The following EPHA5 variants were observed in gnomAD, a reference collection of about 807,000 sequenced individuals.
EPHA5 encodes the protein EPH receptor A5.
Under a neutral mutation model 105.0 loss-of-function variants are expected in EPHA5, and 60 were observed. That is an observed-to-expected ratio of 0.57 (90% CI 0.46 to 0.71). The LOEUF is 0.71. Ranked by LOEUF, EPHA5 falls within the 30% of genes least tolerant of loss-of-function variation. EPHA5 has a pLI of 0.00. For missense variants in EPHA5, 1,218 were observed against 1,274.7 expected (o/e 0.96, Z 0.68); for synonymous variants, 513 against 449.1 (o/e 1.14, Z -1.80).
At chr4:65,651,697 T>G (rs1381341501) in intron 1 of EPHA5, among the ~76,000 whole-genome samples, 1 of 152,210 alleles carries the variant, frequency 6.6e-6, no homozygotes, top group Non-Finnish European at 1.5e-5. Context: ...CACAAAGATG[T>G]TATAGACATT....
intron 3 of EPHA5, among the ~76,000 whole-genome samples, chr4:65,513,512 G>C (rs1733823880): frequency 6.6e-6 from 1 of 151,954 alleles, no homozygotes. Flanking sequence ...TCAGCCTCCC[G>C]AGTAGCTGAG....
intron 13 of EPHA5, among the ~76,000 whole-genome samples, chr4:65,350,379 A>G (rs1345316323): frequency 6.6e-6 from 1 of 150,962 alleles, no homozygotes; most frequent in African/African-American, 2.4e-5. Context: ...TAAAAAAAAA[A>G]CCCTTATAAT....
intron 3 of EPHA5, among the ~76,000 whole-genome samples, chr4:65,584,221 A>C (rs1296390164): frequency 2.0e-5 from 3 of 151,754 alleles, no homozygotes; most frequent in African/African-American, 7.2e-5. Context: ...GAAACTCATC[A>C]ATTTCTTCAA....
At chr4:65,591,530 A>T (rs1162138517) in intron 3 of EPHA5, among the ~76,000 whole-genome samples, 1 of 151,934 alleles carries the variant, frequency 6.6e-6, no homozygotes, top group Non-Finnish European at 1.5e-5. Context: ...TGTGTTCCCA[A>T]GTTTCACTCA....
rs199614818 is a variant in EPHA5 at position 65,490,529 on chromosome 4, C to T, written c.1250G>A (p.Arg417Gln). ...ECGGHVRYLPRQSGLKNTSVM... is the reference protein window; with the variant it reads ...ECGGHVRYLPQQSGLKNTSVM... Reference sequence around the variant, plus strand: ...AGAGGTGTTTTTCAGGCCGCTTTGCCGGGGAAGGTACCTGACATGACCGCC... The same window carrying T: ...AGAGGTGTTTTTCAGGCCGCTTTGCTGGGGAAGGTACCTGACATGACCGCC... The change falls in exon 5 of 17, where the codon CGG becomes CAG. Residue 417 changes from arginine to glutamine, a missense_variant. Arg to Gln is a conservative substitution (Grantham distance 43). Around this residue, in one of 3 missense-constraint regions of EPHA5, gnomAD observed 971 missense variants for 1,013.5 expected, o/e 0.96. Coordinates refer to ENST00000613740, the MANE Select transcript of EPHA5 (RefSeq NM_001281766.3). 51 of 1,613,892 alleles carry T rather than the reference C, an allele frequency of 3.2e-5. No homozygotes were observed. Among genetic ancestry groups the T allele is most frequent in the African/African-American group, 8.0e-5 (6 of 74,848 alleles).
intron 1 of EPHA5, among the ~76,000 whole-genome samples, chr4:65,649,241 G>A (rs1383339928): frequency 6.6e-6 from 1 of 152,186 alleles, no homozygotes; most frequent in Admixed American, 6.5e-5. Flanking sequence ...AACAGACCAT[G>A]AGCACTGCTT....
intron 1 of EPHA5, among the ~76,000 whole-genome samples, chr4:65,662,999 T>C (rs1181478916): frequency 6.6e-6 from 1 of 152,152 alleles, no homozygotes. Flanking sequence ...GTTCTACTTT[T>C]GTTTGACAAA....
At chr4:65,378,431 A>G (rs1719219375) in intron 8 of EPHA5, among the ~76,000 whole-genome samples, 2 of 151,980 alleles carry the variant, frequency 1.3e-5, no homozygotes, top group Non-Finnish European at 2.9e-5. Context: ...CTTTACAGTA[A>G]CACCTGTTGC....
At chr4:65,533,403 T>C (rs1736006736) in intron 3 of EPHA5, among the ~76,000 whole-genome samples, 1 of 152,076 alleles carries the variant, frequency 6.6e-6, no homozygotes, top group Non-Finnish European at 1.5e-5. Context: ...ATTTAGAAAC[T>C]CAGGATTGGC....
chr4:65,492,645 A>G (rs1179731641), intron 4 of EPHA5, among the ~76,000 whole-genome samples: 2 of 151,934 alleles, frequency 1.3e-5, no homozygotes, highest in African/African-American at 4.8e-5. Flanking sequence ...AGTCCCCTTT[A>G]AGTTGAAATA....
chr4:65,383,149 C>T (rs1719734022), intron 8 of EPHA5, among the ~76,000 whole-genome samples: 1 of 148,458 alleles, frequency 6.7e-6, no homozygotes, highest in African/African-American at 2.5e-5. Flanking sequence ...AAGAAGACTT[C>T]AATAATGATG....
chr4:65,620,429 G>A (rs1342132271), intron 2 of EPHA5, among the ~76,000 whole-genome samples: 1 of 151,970 alleles, frequency 6.6e-6, no homozygotes, highest in East Asian at 1.9e-4. Context: ...TAAATGTGAT[G>A]ACATAGTACA....
rs1578460608 is a variant in EPHA5, at chr4:65,573,698, T to C, written c.910+27943A>G. On this transcript the variant is annotated intron_variant, in intron 3 of 16. Transcript: ENST00000613740. The stretch of plus-strand genomic sequence containing the variant: ...AGTACTCAGCCGCTAAATCCAAGGT[T>C]GAAAAGAAAAAGAAGGAGAAGGTTC... 7 of 1,595,430 alleles carry C rather than the reference T, an allele frequency of 4.4e-6. No homozygotes were observed. In the East Asian group the frequency reaches 1.3e-4, roughly 31 times the overall value.
chr4:65,503,597 G>A (rs1351521782), intron 3 of EPHA5, among the ~76,000 whole-genome samples: 1 of 150,952 alleles, frequency 6.6e-6, no homozygotes, highest in Non-Finnish European at 1.5e-5. Flanking sequence ...ACCAAATATT[G>A]GCAGAAATTC....
chr4:65,662,415 G>A lies in EPHA5; in HGVS notation c.181+7147C>T, dbSNP rs750131035. 4.6e-5 allele frequency among the ~76,000 whole-genome samples: 7 copies of A among 152,140 alleles called. No homozygotes were observed. The East Asian group carries it at 7.7e-4, about 17-fold the overall frequency. On this transcript the variant is annotated intron_variant, in intron 1 of 16. Transcript: ENST00000613740. ...TTTATTTAGAACTGAAGACAAGCTC[G>A]ATGAATGCAGAAGATGGCCTGGGCA... is the stretch of plus-strand genomic sequence containing the variant.
intron 5 of EPHA5, among the ~76,000 whole-genome samples, chr4:65,449,341 A>G (rs1448924480): frequency 6.6e-6 from 1 of 152,214 alleles, no homozygotes; most frequent in Admixed American, 6.6e-5. Flanking sequence ...AGGGTTTAAA[A>G]AAAGAGCCTT....
At chr4:65,574,499 T>G (rs1173145395) in intron 3 of EPHA5, among the ~76,000 whole-genome samples, 1 of 148,374 alleles carries the variant, frequency 6.7e-6, no homozygotes, top group Non-Finnish European at 1.5e-5. Flanking sequence ...AAATAAAAAT[T>G]TATTAAAATG....
At chr4:65,331,707 A>G in intron 16 of EPHA5, 5 of 1,175,058 alleles carry the variant, frequency 4.3e-6, no homozygotes, top group African/African-American at 1.6e-5. Context: ...ACAACACAAA[A>G]CACCAGTATT....
At position 65,578,051 on chromosome 4, in the gene EPHA5, A is replaced by T. The variant is rs561552706; in HGVS notation, c.910+23590T>A. On this transcript the variant is annotated intron_variant, in intron 3 of 16. Coordinates refer to ENST00000613740, the MANE Select transcript of EPHA5 (RefSeq NM_001281766.3). ...TTATAAATAATTTCAATGCATAAAA[A>T]TAAGCTACTTCTTGGGATATCTCTA... 5.2e-3 allele frequency among the ~76,000 whole-genome samples: 791 copies of T among 152,328 alleles called. 7 individuals carry two copies. The highest frequency in any genetic ancestry group is 0.018 in the African/African-American group (756 of 41,570).
Sources: allele counts gnomAD v4.1 joint callset (sites outside exome capture counted in the v4.1 genomes callset), GRCh38; gene constraint gnomAD v4.1.1; regional missense constraint gnomAD v4.1.1; transcripts MANE v1.5; gene names NCBI Gene and HGNC (gene_info 2026-07-23, HGNC 2026-07-21).